SLC30A5: variants seen among roughly 807,000 people sequenced by gnomAD.
The protein encoded by SLC30A5 is proton-coupled zinc antiporter SLC30A5.
Under a neutral mutation model 79.6 loss-of-function variants are expected in SLC30A5, and 33 were observed. That is an observed-to-expected ratio of 0.41 (90% confidence interval 0.31 to 0.55). The LOEUF (loss-of-function observed/expected upper bound fraction) is 0.55, where lower values mean the gene tolerates loss of function less well. SLC30A5 is among the 20% of genes least tolerant of loss of function. SLC30A5 has a pLI of 0.20. For synonymous variants in SLC30A5, 299 were observed against 319.7 expected (o/e 0.94, Z 0.69); for missense variants, 788 against 928.1 (o/e 0.85, Z 1.96).
chr5:69,095,442 G>C (rs956656252), intron 1 of SLC30A5, among the ~76,000 whole-genome samples: 11 of 151,936 alleles, frequency 7.2e-5, no homozygotes, highest in Non-Finnish European at 1.6e-4. Context: ...CCTCGTGATC[G>C]GCCTGCCTCG....
At chr5:69,100,699 A>T in intron 1 of SLC30A5, 108 bp from the exon 2 acceptor site, 2 of 799,750 alleles carry the variant, frequency 2.5e-6, no homozygotes, top group South Asian at 2.1e-5. Context: ...TTTTGTGTTT[A>T]TGTATATTTC....
At position 69,113,174 on chromosome 5, in the gene SLC30A5, T is replaced by A; in HGVS notation, c.482T>A (p.Ile161Asn). The change falls in exon 6 of 16, where the codon ATC (isoleucine) becomes AAC (asparagine). Residue 161 changes from isoleucine to asparagine, a missense_variant. Physicochemically the swap from Ile to Asn is moderately radical, Grantham distance 149. Coordinates refer to ENST00000396591, the MANE Select transcript of SLC30A5 (RefSeq NM_022902.5). ...RGAAFFIIAV[I>N]CLLLFDNDDL... ...GCTGCTTTTTTCATTATTGCTGTGATCTGTTTATTGCTTTTTGACAATGAT... is the reference window on the plus strand; with the variant it reads ...GCTGCTTTTTTCATTATTGCTGTGAACTGTTTATTGCTTTTTGACAATGAT... The A allele has an allele frequency of 1.2e-6, 2 of 1,613,568 alleles. No homozygotes were observed. Among genetic ancestry groups the A allele is most frequent in the Non-Finnish European group, 1.7e-6 (2 of 1,179,828 alleles).
At chr5:69,114,862 T>C (rs1219103773) in intron 7 of SLC30A5, among the ~76,000 whole-genome samples, 1 of 151,868 alleles carries the variant, frequency 6.6e-6, no homozygotes, top group African/African-American at 2.4e-5. Context: ...CGAAACTCTG[T>C]CTCAAAAAAA....
rs1417727425 is a variant in SLC30A5, at chr5:69,116,771, G to A, written c.1281+169G>A. Among the ~76,000 whole-genome samples, 2 of 152,056 alleles carry A rather than the reference G, an allele frequency of 1.3e-5. No individual in the cohort carries two copies. Among genetic ancestry groups the A allele is most frequent in the Non-Finnish European group, 1.5e-5 (1 of 68,026 alleles). ...TACGAGATCATATTCAGATTCCTTA[G>A]GCAATCCTTAAGGCATGTGCCACCG... On this transcript the variant is annotated intron_variant, in intron 10 of 15. Transcript: ENST00000396591. The surrounding 1 kb of genome is among the most constrained non-coding windows in gnomAD (Gnocchi z 4.0).
At position 69,102,158 on chromosome 5, in the gene SLC30A5, A is replaced by G. The variant is rs561022095; in HGVS notation, c.207-904A>G. Among the ~76,000 whole-genome samples, 6 of 149,130 alleles carry G rather than the reference A, an allele frequency of 4.0e-5. No individual in the cohort carries two copies. In the South Asian group the frequency reaches 6.4e-4, roughly 16 times the overall value. ...AGCCTCTGCCTCCAGGGTTCAAGCA[A>G]TTCTGTCTCAGCCTCCTGAGTAGCT... On this transcript the variant is annotated intron_variant, in intron 2 of 15. Transcript: ENST00000396591.
chr5:69,121,609 AC>A (rs1233425789), intron 12 of SLC30A5, 84 bp from the exon 13 acceptor site: 15 of 928,824 alleles, frequency 1.6e-5, no homozygotes, highest in Non-Finnish European at 2.3e-5. Flanking sequence ...AAACAGAAAA[AC>A]ATATATAGCT....
Position 69,128,186 on chromosome 5 carries a change from G to A in SLC30A5, c.2127+54G>A, listed in dbSNP as rs540078015. 9 of 1,359,688 alleles carry A rather than the reference G, an allele frequency of 6.6e-6. No homozygotes were observed. The African/African-American group carries it at 1.3e-4, about 20-fold the overall frequency. The allele number at this position is 1,359,688 out of a possible 1,614,324, so 84.2% of individuals were successfully genotyped here. ...ATTGAGGTCATTCATACCCAAAATT[G>A]TACACCTCATAAGTTATATGGCTCA... On this transcript the variant is annotated intron_variant, in intron 15 of 15. Coordinates refer to ENST00000396591, the MANE Select transcript of SLC30A5 (RefSeq NM_022902.5).
In SLC30A5 at chr5:69,130,579, A is replaced by G. The variant is rs1214256741; in HGVS notation, c.*962A>G. ...TATAGATATATAAGAAATATCAAAG[A>G]ATAGGTAGTTATTTCAAAGTTTAAT... is the stretch of plus-strand genomic sequence containing the variant. On this transcript the variant is annotated 3_prime_UTR_variant, in exon 16 of 16. Transcript: ENST00000396591. 1 of 152,210 alleles carries G rather than the reference A, an allele frequency of 6.6e-6. No homozygotes were observed. The highest frequency in any genetic ancestry group is 1.9e-4 in the East Asian group (1 of 5,202). The allele number at this position is 152,210 out of a possible 1,614,324, so 9.4% of individuals were successfully genotyped here. A position where few individuals can be genotyped will look rare whatever the true frequency, so the allele number is the denominator to read the frequency against.
chr5:69,129,867 T>C lies in SLC30A5; in HGVS notation c.*250T>C. On this transcript the variant is annotated 3_prime_UTR_variant, in exon 16 of 16. Coordinates refer to ENST00000396591, the MANE Select transcript of SLC30A5 (RefSeq NM_022902.5). ...TGAGTAAACATGATGTATTACATCA[T>C]CTTCAAAAATAGATATGATGGATTC... is the stretch of plus-strand genomic sequence containing the variant. The C allele has an allele frequency of 3.5e-6, 1 of 289,340 alleles. No homozygotes were observed. The highest frequency in any genetic ancestry group is 1.3e-4 in the South Asian group (1 of 7,990). 17.9% of individuals were successfully genotyped at this position (289,340 alleles called of 1,614,324 possible). A position where few individuals can be genotyped will look rare whatever the true frequency, so the allele number is the denominator to read the frequency against.
intron 8 of SLC30A5, 50 bp downstream of exon 8, chr5:69,115,457 T>C (rs779693569): frequency 6.9e-7 from 1 of 1,447,746 alleles, no homozygotes; most frequent in South Asian, 1.3e-5. Context: ...GTAAAATGAA[T>C]TGCTATTAAA....
At chr5:69,110,358 A>T (rs1196506233) in intron 5 of SLC30A5, among the ~76,000 whole-genome samples, 2 of 152,224 alleles carry the variant, frequency 1.3e-5, no homozygotes, top group Non-Finnish European at 2.9e-5. Context: ...AATAGTCCCT[A>T]TTCTGAAAGG....
chr5:69,121,656 A>G (rs2111990684), intron 12 of SLC30A5, 38 bp from the exon 13 acceptor site: 1 of 1,401,680 alleles, frequency 7.1e-7, no homozygotes, highest in South Asian at 1.3e-5. Flanking sequence ...CTATTTTTAA[A>G]TTACTAATTT....
chr5:69,094,874 T>C (rs1329784487), intron 1 of SLC30A5, among the ~76,000 whole-genome samples: 1 of 145,048 alleles, frequency 6.9e-6, no homozygotes, highest in East Asian at 2.3e-4. Context: ...TGTGTCCTCG[T>C]TGTCAAAAAA....
chr5:69,109,185 TAA>T (rs1415527498), intron 5 of SLC30A5, among the ~76,000 whole-genome samples: 1 of 152,058 alleles, frequency 6.6e-6, no homozygotes, highest in Non-Finnish European at 1.5e-5. Context: ...TTAAAATAAC[TAA>T]AAGAGTATAA....
chr5:69,096,706 A>G (rs945171574), intron 1 of SLC30A5, among the ~76,000 whole-genome samples: 1 of 152,176 alleles, frequency 6.6e-6, no homozygotes, highest in African/African-American at 2.4e-5. Context: ...GCAATTGTCT[A>G]GGTATAAAGT....
chr5:69,106,010 T>C (rs991139210), intron 4 of SLC30A5, among the ~76,000 whole-genome samples: 1 of 152,122 alleles, frequency 6.6e-6, no homozygotes, highest in African/African-American at 2.4e-5. Flanking sequence ...GCCAAAAAGG[T>C]TGGGGACCAC....
chr5:69,120,552 C>T (rs1415436498), intron 12 of SLC30A5, among the ~76,000 whole-genome samples: 1 of 151,966 alleles, frequency 6.6e-6, no homozygotes, highest in Non-Finnish European at 1.5e-5. Flanking sequence ...TTTTTATTTT[C>T]CTGATAAAAT....
At chr5:69,105,866 G>C (rs1029222853) in intron 4 of SLC30A5, among the ~76,000 whole-genome samples, 5 of 152,190 alleles carry the variant, frequency 3.3e-5, no homozygotes, top group African/African-American at 1.2e-4. Flanking sequence ...ACTGTGCATG[G>C]GAGGGATATC....
At chr5:69,124,071 C>G (rs1238947997) in intron 14 of SLC30A5, among the ~76,000 whole-genome samples, 32 of 142,846 alleles carry the variant, frequency 2.2e-4, no homozygotes, top group African/African-American at 8.2e-4. Context: ...CGAGACCACG[C>G]CACTACACTT....
Sources: gnomAD v4.1 joint callset for allele counts (sites outside exome capture counted in the v4.1 genomes callset) on GRCh38, gnomAD v4.1.1 for gene constraint, Gnocchi (gnomAD v3.1) non-coding constraint, MANE v1.5 for transcripts, NCBI Gene and HGNC (gene_info 2026-07-23, HGNC 2026-07-21) for gene names.